The following TBATA variants were observed in gnomAD, a reference collection of about 807,000 sequenced individuals.
TBATA encodes protein TBATA.
TBATA carries 47 observed loss-of-function variants against 38.7 expected under a neutral mutation model. The ratio of observed to expected loss-of-function variants is 1.21; its 90% CI spans 0.96 to 1.55. The LOEUF (loss-of-function observed/expected upper bound fraction) is 1.55. Ranked by LOEUF, TBATA falls within the 40% of genes most tolerant of loss-of-function variation. The pLI, the probability that TBATA is intolerant of heterozygous loss-of-function variation, is 0.00. For missense variants in TBATA, 436 were observed against 435.6 expected, an observed-to-expected ratio of 1.00 and a Z score of -0.01; for synonymous variants, 183 against 170.5, an observed-to-expected ratio of 1.07 and a Z score of -0.57.
intron 3 of TBATA, chr10:70,782,435 C>A: frequency 7.7e-7 from 1 of 1,295,944 alleles, no homozygotes; most frequent in South Asian, 1.2e-5. Context: ...AGGGGCCTCT[C>A]CCCAAGCCAG....
At chr10:70,781,267 T>A (rs1844177186) in intron 4 of TBATA, among the ~76,000 whole-genome samples, 1 of 152,246 alleles carries the variant, frequency 6.6e-6, no homozygotes, top group Non-Finnish European at 1.5e-5. Context: ...TTAATGGCCA[T>A]GTCTTCTGTG....
At chr10:70,782,918 C>T (rs1049754410) in intron 3 of TBATA, among the ~76,000 whole-genome samples, 2 of 152,234 alleles carry the variant, frequency 1.3e-5, no homozygotes, top group Admixed American at 6.5e-5. Flanking sequence ...CGCCCCCGGA[C>T]CCTCTGAGGA....
rs368658974 is a variant in TBATA, at chr10:70,777,251, C to T, written c.595G>A (p.Ala199Thr). ...TGRLIPASTR[A>T]VGRRRSHQGQ... ...TGGTGAGATCTGCGGCGGCCGACAG[C>T]CCGGGTGGAAGCGGGGATGAGCCTC... is the stretch of plus-strand genomic sequence containing the variant. Residue 199 changes from alanine (A) to threonine (T), a missense_variant, in exon 7 of 11, where the codon GCT (alanine) becomes ACT (threonine). Physicochemically the swap from Ala to Thr is moderately conservative, Grantham distance 58. Coordinates refer to ENST00000456372, the MANE Select transcript of TBATA (RefSeq NM_001318241.2). 191 of 1,613,474 alleles carry T rather than the reference C, an allele frequency of 1.2e-4. No individual in the cohort carries two copies. The highest frequency in any genetic ancestry group is 1.6e-4 in the Non-Finnish European group (185 of 1,179,942).
chr10:70,779,803 G>A (rs765583581), intron 4 of TBATA, 61 bp from the exon 5 acceptor site: 2 of 1,476,322 alleles, frequency 1.4e-6, no homozygotes, highest in Non-Finnish European at 1.8e-6. Context: ...GCTCCAGGAG[G>A]CAGGGAAGAG....
At chr10:70,777,694 T>C (rs2254445) in intron 6 of TBATA, 372,805 of 376,628 alleles carry the variant, frequency 0.99, 184,534 homozygotes, top group East Asian at 1. Context: ...TAGGTCCTCC[T>C]TGCTGCTCCT....
chr10:70,782,525 G>T (rs527540324), intron 3 of TBATA: 59 of 1,270,896 alleles, frequency 4.6e-5, no homozygotes, highest in Non-Finnish European at 1.8e-5. Context: ...CAGACTCAGC[G>T]TCCAGAGGCC....
rs752621355 is a variant in TBATA, at chr10:70,778,562, T to C, written c.502A>G (p.Lys168Glu). 11 of 1,614,020 alleles carry C rather than the reference T, an allele frequency of 6.8e-6. No individual in the cohort carries two copies. The African/African-American group carries it at 1.2e-4, about 18-fold the overall frequency. ...CTCCTGTGTTCCGCACCCACCTCTT[T>C]CTTCTTCAGTTCATCCTCCTTGGTG... ...FLTKEDELKKKEQKEQKEEPL... is the reference protein window; with the variant it reads ...FLTKEDELKKEEQKEQKEEPL... The change falls in exon 6 of 11, where the codon AAA becomes GAA. Residue 168 changes from lysine to glutamate, a missense_variant. Coordinates refer to ENST00000456372, the MANE Select transcript of TBATA (RefSeq NM_001318241.2).
At chr10:70,781,149 G>A (rs183612451) in intron 4 of TBATA, among the ~76,000 whole-genome samples, 2 of 152,316 alleles carry the variant, frequency 1.3e-5, no homozygotes, top group Admixed American at 1.3e-4. Flanking sequence ...CCAACAGAGT[G>A]GGAGCGCTCT....
chr10:70,782,332 AAAG>A, intron 3 of TBATA: 1 of 1,429,108 alleles, frequency 7.0e-7, no homozygotes, highest in Non-Finnish European at 9.3e-7. Context: ...CTGAAACCAG[AAAG>A]AGAAGCTGCA....
rs765801087 is a variant in TBATA, at chr10:70,774,203, C to T, written c.920+10G>A. The T allele has an allele frequency of 2.0e-5, 32 of 1,610,976 alleles. No homozygotes were observed. Among genetic ancestry groups the T allele is most frequent in the East Asian group, 1.6e-4 (7 of 44,838 alleles). ...GGCTGCAGAAGGGCAGGGCGGGGTGCGGGGCCCACCTGCAGGGTGGCTCTT... is the reference window on the plus strand; with the variant it reads ...GGCTGCAGAAGGGCAGGGCGGGGTGTGGGGCCCACCTGCAGGGTGGCTCTT... On this transcript the variant is annotated intron_variant, in intron 9 of 10. Transcript: ENST00000456372.
chr10:70,780,321 A>G (rs1844018149), intron 4 of TBATA, among the ~76,000 whole-genome samples: 1 of 152,078 alleles, frequency 6.6e-6, no homozygotes, highest in Non-Finnish European at 1.5e-5. Context: ...CACTATTGAC[A>G]GTGAGGCTTG....
In TBATA at chr10:70,777,329, G is replaced by T; in HGVS notation, c.517C>A (p.Gln173Lys). ...TGCTCCCGCAGAGGCTCCTCCTTCTGCTCCTTCTGCTGGGACAAAAGTGGC... is the reference window on the plus strand; with the variant it reads ...TGCTCCCGCAGAGGCTCCTCCTTCTTCTCCTTCTGCTGGGACAAAAGTGGC... ...DELKKKEQKE[Q>K]KEEPLREQGA... Residue 173 changes from glutamine to lysine, a missense_variant, in exon 7 of 11, where the codon CAG (glutamine) becomes AAG (lysine). Transcript: ENST00000456372. The T allele has an allele frequency of 6.2e-7, 1 of 1,612,656 alleles. No individual in the cohort carries two copies. Among genetic ancestry groups the T allele is most frequent in the Non-Finnish European group, 8.5e-7 (1 of 1,179,364 alleles).
chr10:70,774,883 G>A (rs867094002), intron 8 of TBATA, among the ~76,000 whole-genome samples: 1 of 152,226 alleles, frequency 6.6e-6, no homozygotes, highest in African/African-American at 2.4e-5. Context: ...GTGAGGGGCT[G>A]TGTCTGCTAA....
chr10:70,778,570 A>C lies in TBATA; in HGVS notation c.494T>G (p.Leu165Arg). Residue 165 changes from leucine to arginine, a missense_variant, in exon 6 of 11, where the codon CTG (leucine) becomes CGG (arginine). Leu to Arg is a moderately radical substitution (Grantham distance 102). Transcript: ENST00000456372. ...TTCCGCACCCACCTCTTTCTTCTTC[A>C]GTTCATCCTCCTTGGTGAGGAAGGC... Reference protein sequence around the residue: ...RVAFLTKEDELKKKEQKEQKE... With the variant: ...RVAFLTKEDERKKKEQKEQKE... 6.2e-7 allele frequency: 1 copy of C among 1,614,024 alleles called. No homozygotes were observed. Among genetic ancestry groups the C allele is most frequent in the Non-Finnish European group, 8.5e-7 (1 of 1,179,988 alleles).
At chr10:70,771,999 C>A (rs952846811) in intron 10 of TBATA, among the ~76,000 whole-genome samples, 1 of 152,164 alleles carries the variant, frequency 6.6e-6, no homozygotes, top group Non-Finnish European at 1.5e-5. Context: ...TGTCTCATGC[C>A]TCCCTTACCA....
chr10:70,772,537 G>T lies in TBATA; in HGVS notation c.950C>A (p.Pro317His). Residue 317 changes from proline to histidine, a missense_variant, in exon 10 of 11, where the codon CCT becomes CAT. By Grantham distance (77) the Pro-to-His change is moderately conservative (BLOSUM62 -2). Transcript: ENST00000456372. ...SQSPKKTKISPFTKSEKPEYI... is the reference protein window; with the variant it reads ...SQSPKKTKISHFTKSEKPEYI... ...ACCTGGTTTTTCGCTTTTTGTAAAA[G>T]GTGATATCTTCGTTTTCTTCGGGGA... The T allele has an allele frequency of 6.2e-7, 1 of 1,614,154 alleles. No individual in the cohort carries two copies. The highest frequency in any genetic ancestry group is 2.2e-5 in the East Asian group (1 of 44,890).
rs537502945 is a variant in TBATA, at chr10:70,783,106, T to C, written c.41+233A>G. 5.3e-4 allele frequency among the ~76,000 whole-genome samples: 80 copies of C among 152,352 alleles called. No homozygotes were observed. The South Asian group carries it at 0.016, about 31-fold the overall frequency. On this transcript the variant is annotated intron_variant, in intron 3 of 10. Coordinates refer to ENST00000456372, the MANE Select transcript of TBATA (RefSeq NM_001318241.2). ...CCCCTGGAACTCCTTTGCTCAGTGC[T>C]TCTGGCACCCGCTCAAGTCTTTTCC...
intron 8 of TBATA, 89 bp from the exon 9 acceptor site, chr10:70,774,446 G>T (rs1843128295): frequency 1.5e-6 from 2 of 1,358,524 alleles, no homozygotes; most frequent in South Asian, 1.4e-5. Flanking sequence ...TCCATCCAGG[G>T]CAGCTTTCTC....
At chr10:70,772,659 G>C in intron 9 of TBATA, 93 bp from the exon 10 acceptor site, 1 of 1,317,276 alleles carries the variant, frequency 7.6e-7, no homozygotes, top group Non-Finnish European at 1.1e-6. Context: ...GGAAGGTGGT[G>C]CAGGTGCAGT....
Sources: allele counts gnomAD v4.1 joint callset (sites outside exome capture counted in the v4.1 genomes callset), GRCh38; gene constraint gnomAD v4.1.1; transcripts MANE v1.5; gene names NCBI Gene and HGNC (gene_info 2026-07-23, HGNC 2026-07-21).